The following SCN11A variants were observed in gnomAD, a reference collection of about 807,000 sequenced individuals.
The protein encoded by SCN11A is sodium voltage-gated channel alpha subunit 11.
SCN11A carries 122 observed loss-of-function variants against 162.2 expected under a neutral mutation model. The ratio of observed to expected loss-of-function variants is 0.75; its 90% CI spans 0.65 to 0.87. The LOEUF is 0.87. SCN11A is among the 40% of genes least tolerant of loss of function. The pLI is 0.00. For synonymous variants in SCN11A, 758 were observed against 751.5 expected (o/e 1.01, Z -0.14); for missense variants, 2,015 against 2,181.6 (o/e 0.92, Z 1.52).
At chr3:38,867,223 G>A in intron 27 of SCN11A, 98 bp downstream of exon 27, 1 of 1,177,196 alleles carries the variant, frequency 8.5e-7, no homozygotes, top group Non-Finnish European at 1.2e-6. Context: ...AGATCATAAA[G>A]GCTACTTTGT....
intron 7 of SCN11A, among the ~76,000 whole-genome samples, chr3:38,931,541 T>G (rs997607260): frequency 6.6e-6 from 1 of 152,176 alleles, no homozygotes; most frequent in African/African-American, 2.4e-5. Context: ...ATGAAAACAT[T>G]TGAAAATAAG....
chr3:39,039,447 C>T (rs2031989037), intron 1 of SCN11A, among the ~76,000 whole-genome samples: 1 of 151,194 alleles, frequency 6.6e-6, no homozygotes, highest in Admixed American at 6.6e-5. Context: ...AAAGAAGCCA[C>T]TGCTGAAGTA....
chr3:38,896,793 A>G, intron 18 of SCN11A, 52 bp downstream of exon 18: 1 of 1,384,932 alleles, frequency 7.2e-7, no homozygotes, highest in South Asian at 1.8e-5. Context: ...AATGCATTTG[A>G]GAGGCATGTA....
chr3:38,949,456 T>C (rs2066567211), intron 5 of SCN11A, among the ~76,000 whole-genome samples: 1 of 152,258 alleles, frequency 6.6e-6, no homozygotes, highest in Non-Finnish European at 1.5e-5. Context: ...TGTGCCCACT[T>C]GGTTACCATT....
intron 16 of SCN11A, among the ~76,000 whole-genome samples, chr3:38,902,576 G>A (rs914554084): frequency 8.6e-5 from 13 of 151,328 alleles, no homozygotes; most frequent in East Asian, 5.8e-4. Context: ...GGAGTGCAGT[G>A]GCACGATCTC....
At chr3:38,861,191 T>C (rs544223615) in intron 28 of SCN11A, among the ~76,000 whole-genome samples, 1 of 151,982 alleles carries the variant, frequency 6.6e-6, no homozygotes, top group East Asian at 1.9e-4. Flanking sequence ...ACCAAGGAGA[T>C]GAAAGATCTC....
At chr3:39,011,010 T>C (rs1256536736) in intron 2 of SCN11A, among the ~76,000 whole-genome samples, 8 of 152,186 alleles carry the variant, frequency 5.3e-5, no homozygotes, top group Non-Finnish European at 1.2e-4. Flanking sequence ...ACTCCCCTTG[T>C]TGCCGAACCA....
intron 2 of SCN11A, among the ~76,000 whole-genome samples, chr3:38,974,694 C>CAAAAAAAAAAAAAAAAAAAAAAAAAA (rs773028321): frequency 2.1e-5 from 1 of 48,150 alleles, no homozygotes. Context: ...GACTCCGTCT[C>CAAAAAAAAAAAAAAAAAAAAAAAAAA]AAAAAAAAAA....
intron 11 of SCN11A, among the ~76,000 whole-genome samples, chr3:38,912,200 A>G (rs896903439): frequency 6.6e-6 from 1 of 152,052 alleles, no homozygotes; most frequent in African/African-American, 2.4e-5. Flanking sequence ...AATCTCCCTC[A>G]TTTCTTGGTC....
At chr3:38,907,353 TATATACACACACACAC>T (rs1559523637) in intron 14 of SCN11A, among the ~76,000 whole-genome samples, 56 of 60,668 alleles carry the variant, frequency 9.2e-4, no homozygotes, top group African/African-American at 2.6e-3. Context: ...TATATATCTA[TATATACACACACACAC>T]ACACACACAC....
Position 38,904,011 on chromosome 3 carries a change from C to A in SCN11A, c.1696G>T (p.Val566Phe). ...VWNCCPQWLC[V>F]KKVLRTVMTD... ...ATCACAGTTCTCAGGACCTTCTTAA[C>A]GCACAGCCACTGGGGGCAACAGTTC... is the stretch of plus-strand genomic sequence containing the variant. The change falls in exon 16 of 30, where the codon GTT becomes TTT. Residue 566 changes from valine (V) to phenylalanine (F), a missense_variant. Coordinates refer to ENST00000302328, the MANE Select transcript of SCN11A (RefSeq NM_001349253.2). 6.2e-7 allele frequency: 1 copy of A among 1,613,218 alleles called. No individual in the cohort carries two copies. Among genetic ancestry groups the A allele is most frequent in the Non-Finnish European group, 8.5e-7 (1 of 1,179,756 alleles).
At chr3:38,879,722 T>C (rs1163889373) in intron 23 of SCN11A, among the ~76,000 whole-genome samples, 1 of 152,196 alleles carries the variant, frequency 6.6e-6, no homozygotes, top group Non-Finnish European at 1.5e-5. Flanking sequence ...GGAAAGGTTG[T>C]AGTGGTGAGC....
intron 2 of SCN11A, among the ~76,000 whole-genome samples, chr3:38,969,208 C>T (rs191458662): frequency 8.5e-5 from 13 of 152,244 alleles, no homozygotes; most frequent in East Asian, 1.9e-4. Context: ...GGAGGCCCAG[C>T]GAAGGGACTG....
intron 16 of SCN11A, among the ~76,000 whole-genome samples, chr3:38,901,608 A>T (rs2065700792): frequency 6.6e-6 from 1 of 152,216 alleles, no homozygotes; most frequent in African/African-American, 2.4e-5. Context: ...TTTCTAGTCC[A>T]GTCCTGCAGA....
intron 2 of SCN11A, among the ~76,000 whole-genome samples, chr3:39,002,918 T>C (rs2030860407): frequency 1.3e-5 from 2 of 150,218 alleles, no homozygotes; most frequent in African/African-American, 5.0e-5. Flanking sequence ...ATCATGTTCT[T>C]GTTCTTTTTT....
intron 2 of SCN11A, among the ~76,000 whole-genome samples, chr3:38,960,808 C>T (rs2066734274): frequency 6.6e-6 from 1 of 152,164 alleles, no homozygotes; most frequent in Non-Finnish European, 1.5e-5. Context: ...GGCATCTCCT[C>T]CTTTCTCTTC....
intron 28 of SCN11A, among the ~76,000 whole-genome samples, chr3:38,862,858 C>T (rs1345473866): frequency 6.6e-6 from 1 of 151,938 alleles, no homozygotes; most frequent in Admixed American, 6.6e-5. Context: ...ACACATGGAA[C>T]CAAAAACCAC....
At chr3:38,979,017 A>G (rs2029905965) in intron 2 of SCN11A, among the ~76,000 whole-genome samples, 1 of 152,198 alleles carries the variant, frequency 6.6e-6, no homozygotes, top group Non-Finnish European at 1.5e-5. Context: ...TCTCTACCTC[A>G]GGCCTCAGGG....
chr3:38,885,241 C>T (rs1401519499), intron 21 of SCN11A, 47 bp downstream of exon 21: 2 of 1,059,038 alleles, frequency 1.9e-6, no homozygotes, highest in East Asian at 2.4e-5. Context: ...GAACAGAAAC[C>T]CCATCCAAAG....
Sources: allele counts gnomAD v4.1 joint callset (sites outside exome capture counted in the v4.1 genomes callset), GRCh38; gene constraint gnomAD v4.1.1; transcripts MANE v1.5; gene names NCBI Gene and HGNC (gene_info 2026-07-23, HGNC 2026-07-21).